The following MAP1LC3B variants were observed in gnomAD, a reference collection of about 807,000 sequenced individuals.
MAP1LC3B encodes the protein microtubule associated protein 1 light chain 3 beta.
MAP1LC3B carries 12 observed loss-of-function variants against 16.7 expected under a neutral mutation model. That is an observed-to-expected ratio of 0.72 (90% CI 0.46 to 1.16). MAP1LC3B has a LOEUF of 1.16. MAP1LC3B is among the 50% of genes most tolerant of loss of function. The pLI, the probability that MAP1LC3B is intolerant of heterozygous loss-of-function variation, is 0.00. For synonymous variants in MAP1LC3B, 63 were observed against 56.5 expected (o/e 1.11, Z -0.51); for missense variants, 155 against 159.5 (o/e 0.97, Z 0.15).
At chr16:87,402,665 G>A (rs1908036019) in intron 3 of MAP1LC3B, 1 of 556,934 alleles carries the variant, frequency 1.8e-6, no homozygotes, top group South Asian at 2.2e-5. Context: ...TATTTGAACT[G>A]CTTTCTTATA....
rs1281172391 is a variant in MAP1LC3B, at chr16:87,403,164, C to G, written c.*67C>G. ...TACCAAGGAAAAAAAAGGGATGTTACCAACTGAGATCGATCAGTTCATCCA... is the reference window on the plus strand; with the variant it reads ...TACCAAGGAAAAAAAAGGGATGTTAGCAACTGAGATCGATCAGTTCATCCA... On this transcript the variant is annotated 3_prime_UTR_variant, in exon 4 of 4. Coordinates refer to ENST00000268607, the MANE Select transcript of MAP1LC3B (RefSeq NM_022818.5). 6.5e-7 allele frequency: 1 copy of G among 1,542,696 alleles called. No homozygotes were observed. Among genetic ancestry groups the G allele is most frequent in the Non-Finnish European group, 8.7e-7 (1 of 1,143,266 alleles).
At chr16:87,400,900 C>T (rs137924667) in intron 2 of MAP1LC3B, among the ~76,000 whole-genome samples, 3 of 151,902 alleles carry the variant, frequency 2.0e-5, no homozygotes, top group African/African-American at 4.8e-5. Flanking sequence ...TTTGGAAGGC[C>T]GAGGCGGGTG....
At chr16:87,401,175 A>ATATGGTAG (rs1267972906) in intron 2 of MAP1LC3B, among the ~76,000 whole-genome samples, 1 of 149,734 alleles carries the variant, frequency 6.7e-6, no homozygotes, top group Non-Finnish European at 1.5e-5. Context: ...ATGTCTCAGG[A>ATATGGTAG]TATGGTAGTT....
In MAP1LC3B at chr16:87,399,636, C is replaced by T. The variant is rs771469426; in HGVS notation, c.96+766C>T. On this transcript the variant is annotated intron_variant, in intron 2 of 3. Coordinates refer to ENST00000268607, the MANE Select transcript of MAP1LC3B (RefSeq NM_022818.5). ...CTGTATATAGAAAAGATGTCCGCAGCGTTCAGTAAACACAGACACTAATGA... is the reference window on the plus strand; with the variant it reads ...CTGTATATAGAAAAGATGTCCGCAGTGTTCAGTAAACACAGACACTAATGA... 2.0e-4 allele frequency: 89 copies of T among 455,468 alleles called. 1 individual carries two copies. The highest frequency in any genetic ancestry group is 7.3e-4 in the South Asian group (47 of 64,482). 28.2% of individuals were successfully genotyped at this position (455,468 alleles called of 1,614,324 possible).
intron 1 of MAP1LC3B, among the ~76,000 whole-genome samples, chr16:87,394,521 C>T (rs1377010896): frequency 6.6e-6 from 1 of 152,172 alleles, no homozygotes; most frequent in Non-Finnish European, 1.5e-5. Flanking sequence ...ACAGGGTTCT[C>T]AAAGTTGAAA....
chr16:87,397,290 G>C (rs1907841069), intron 1 of MAP1LC3B, among the ~76,000 whole-genome samples: 1 of 152,140 alleles, frequency 6.6e-6, no homozygotes, highest in African/African-American at 2.4e-5. Flanking sequence ...GGCTGTACTT[G>C]AACACAGGAA....
intron 1 of MAP1LC3B, chr16:87,397,073 G>C (rs916804181): frequency 6.6e-6 from 1 of 151,914 alleles, no homozygotes; most frequent in African/African-American, 2.4e-5. Flanking sequence ...TGATCCACCC[G>C]CCTCGGCCTC....
At chr16:87,402,692 C>A in intron 3 of MAP1LC3B, 2 of 595,532 alleles carry the variant, frequency 3.4e-6, no homozygotes, top group Non-Finnish European at 5.8e-6. Flanking sequence ...AGTTTAACAG[C>A]TGTTCAGACA....
chr16:87,397,243 T>G (rs1200109767), intron 1 of MAP1LC3B, among the ~76,000 whole-genome samples: 4 of 152,226 alleles, frequency 2.6e-5, no homozygotes, highest in Non-Finnish European at 4.4e-5. Context: ...GAAGCTGATT[T>G]TAAAGTTTTG....
At position 87,392,350 on chromosome 16, in the gene MAP1LC3B, C is replaced by A. The variant is rs902036021; in HGVS notation, c.-78C>A. 8.2e-6 allele frequency: 11 copies of A among 1,337,300 alleles called. No homozygotes were observed. The highest frequency in any genetic ancestry group is 8.1e-5 in the Admixed American group (2 of 24,820). The allele number at this position is 1,337,300 out of a possible 1,614,324, so 82.8% of individuals were successfully genotyped here. Reference sequence around the variant, plus strand: ...TGGCTATCGCCAGAGTCGGATTCGCCGCCGCAGCAGCCGCCGCCCCCGGGA... The same window carrying A: ...TGGCTATCGCCAGAGTCGGATTCGCAGCCGCAGCAGCCGCCGCCCCCGGGA... On this transcript the variant is annotated 5_prime_UTR_variant, in exon 1 of 4. Transcript: ENST00000268607.
Position 87,402,445 on chromosome 16 carries a change from TATAAA to T in MAP1LC3B, c.203+167_203+171del, listed in dbSNP as rs746670958. 2.2e-5 allele frequency: 15 copies of T among 693,844 alleles called. No homozygotes were observed. The East Asian group carries it at 2.8e-4, about 13-fold the overall frequency. The allele number at this position is 693,844 out of a possible 1,614,324, so 43.0% of individuals were successfully genotyped here. A position where few individuals can be genotyped will look rare whatever the true frequency, so the allele number is the denominator to read the frequency against. On this transcript the variant is annotated intron_variant, in intron 3 of 3. Transcript: ENST00000268607. ...TGATTAAAACAATTTCAACTTAAAC[TATAAA>T]ATGTTTCTTTTTTTGAGGTTTTATA...
chr16:87,392,419 C>G lies in MAP1LC3B; in HGVS notation c.-9C>G, dbSNP rs1450755986. On this transcript the variant is annotated 5_prime_UTR_variant, in exon 1 of 4. In the 5' UTR this introduces an upstream ATG that the reference lacks. Transcript: ENST00000268607. ...TCGTCGCCGCCGCCGCCGCCCAGAT[C>G]CCTGCACCATGCCGTCGGAGAAGAC... 3.5e-6 allele frequency: 5 copies of G among 1,430,004 alleles called. No individual in the cohort carries two copies. Among genetic ancestry groups the G allele is most frequent in the Non-Finnish European group, 4.5e-6 (5 of 1,100,978 alleles). The allele number at this position is 1,430,004 out of a possible 1,614,324, so 88.6% of individuals were successfully genotyped here.
rs1273939278 is a variant in MAP1LC3B, at chr16:87,392,462, C to A, written c.35C>A (p.Thr12Asn). ...PSEKTFKQRR[T>N]FEQRVEDVRL... ...GAGAAGACCTTCAAGCAGCGCCGCA[C>A]CTTCGGTGAGTGTCGCCGCGAGGGC... The change falls in exon 1 of 4, where the codon ACC becomes AAC. Residue 12 changes from threonine (T) to asparagine (N), a missense_variant. Physicochemically the swap from Thr to Asn is moderately conservative, Grantham distance 65. Coordinates refer to ENST00000268607, the MANE Select transcript of MAP1LC3B (RefSeq NM_022818.5). 1.5e-6 allele frequency: 2 copies of A among 1,356,446 alleles called. No individual in the cohort carries two copies. The highest frequency in any genetic ancestry group is 1.5e-5 in the African/African-American group (1 of 65,252). 84.0% of individuals were successfully genotyped at this position (1,356,446 alleles called of 1,614,324 possible).
At chr16:87,392,611 G>T (rs1265024637) in intron 1 of MAP1LC3B, 144 bp downstream of exon 1, 1 of 769,022 alleles carries the variant, frequency 1.3e-6, no homozygotes, top group Non-Finnish European at 1.7e-6. Flanking sequence ...GGGGCCGAGG[G>T]ATGCGGGGCC....
At chr16:87,402,876 T>G in intron 3 of MAP1LC3B, 47 bp from the exon 4 acceptor site, 1 of 1,608,688 alleles carries the variant, frequency 6.2e-7, no homozygotes, top group Non-Finnish European at 8.5e-7. Context: ...TGCTTCATCC[T>G]TCTTGTATTG....
At chr16:87,399,607 A>T in intron 2 of MAP1LC3B, 1 of 455,438 alleles carries the variant, frequency 2.2e-6, no homozygotes, top group South Asian at 1.6e-5. Context: ...GGGTGGAAGA[A>T]TTACTGTATA....
intron 1 of MAP1LC3B, among the ~76,000 whole-genome samples, chr16:87,396,415 C>T (rs991199438): frequency 6.6e-6 from 1 of 150,626 alleles, no homozygotes; most frequent in South Asian, 2.1e-4. Flanking sequence ...GCGTAGCTTG[C>T]AGTGAGCAGA....
chr16:87,397,235 A>G (rs1271247295), intron 1 of MAP1LC3B, among the ~76,000 whole-genome samples: 2 of 152,348 alleles, frequency 1.3e-5, no homozygotes, highest in African/African-American at 4.8e-5. Context: ...GTATCTTAGA[A>G]GCTGATTTTA....
In MAP1LC3B at chr16:87,402,248, A is replaced by G; in HGVS notation, c.170A>G (p.His57Arg). 5 of 1,614,172 alleles carry G rather than the reference A, an allele frequency of 3.1e-6. No homozygotes were observed. Among genetic ancestry groups the G allele is most frequent in the Non-Finnish European group, 4.2e-6 (5 of 1,180,020 alleles). ...AAAACAAAGTTCCTTGTACCTGACC[A>G]TGTCAACATGAGTGAGCTCATCAAG... ...LDKTKFLVPD[H>R]VNMSELIKII... The change falls in exon 3 of 4, where the codon CAT (histidine) becomes CGT (arginine). Residue 57 changes from histidine to arginine, a missense_variant. Coordinates refer to ENST00000268607, the MANE Select transcript of MAP1LC3B (RefSeq NM_022818.5).
Sources: allele counts gnomAD v4.1 joint callset (sites outside exome capture counted in the v4.1 genomes callset), GRCh38; gene constraint gnomAD v4.1.1; transcripts MANE v1.5; gene names NCBI Gene and HGNC (gene_info 2026-07-23, HGNC 2026-07-21).